PKIB: variants seen among roughly 807,000 people sequenced by gnomAD.
The protein encoded by PKIB is cAMP-dependent protein kinase inhibitor beta, also known as PKI-beta.
Under a neutral mutation model 4.5 loss-of-function variants are expected in PKIB, and 2 were observed. That is an observed-to-expected ratio of 0.44 (90% CI 0.18 to 1.39). The LOEUF is 1.39. Among genes scored for constraint, PKIB ranks in the 40% most tolerant of loss-of-function variants. The pLI, the probability that PKIB is intolerant of heterozygous loss-of-function variation, is 0.27. For missense variants in PKIB, 94 were observed against 92.6 expected (o/e 1.02, Z -0.06); for synonymous variants, 38 against 36.0 (o/e 1.06, Z -0.20).
intron 3 of PKIB, among the ~76,000 whole-genome samples, chr6:122,599,346 C>A (rs1318564998): frequency 1.3e-5 from 2 of 152,168 alleles, no homozygotes; most frequent in Non-Finnish European, 2.9e-5. Context: ...CCCACACATC[C>A]CCATTCCAAG....
At chr6:122,627,887 A>G (rs1273521087) in intron 1 of PKIB, among the ~76,000 whole-genome samples, 2 of 152,042 alleles carry the variant, frequency 1.3e-5, no homozygotes, top group Non-Finnish European at 2.9e-5. Context: ...TTTATAAAAT[A>G]TATAAAATAA....
intron 2 of PKIB, among the ~76,000 whole-genome samples, chr6:122,522,162 A>G (rs1340938868): frequency 2.0e-5 from 3 of 152,252 alleles, no homozygotes; most frequent in Admixed American, 6.5e-5. Context: ...AAAAAAACAT[A>G]AAGCGAGAAA....
At chr6:122,640,944 CAAT>C (rs1336916167) in intron 2 of PKIB, among the ~76,000 whole-genome samples, 1 of 151,964 alleles carries the variant, frequency 6.6e-6, no homozygotes, top group Non-Finnish European at 1.5e-5. Context: ...ATATGAATTT[CAAT>C]AATGAGACAT....
intron 2 of PKIB, among the ~76,000 whole-genome samples, chr6:122,522,100 A>G (rs1399282968): frequency 4.6e-5 from 7 of 152,170 alleles, no homozygotes; most frequent in Admixed American, 3.9e-4. Context: ...GTCTAACATC[A>G]TTTCCATATT....
At chr6:122,717,716 C>T (rs1306820072) in intron 3 of PKIB, 71 bp from the exon 4 acceptor site, 23 of 1,496,074 alleles carry the variant, frequency 1.5e-5, no homozygotes, top group Non-Finnish European at 1.9e-5. Flanking sequence ...CTAGCCATGC[C>T]TTTCAACCAC....
intron 2 of PKIB, among the ~76,000 whole-genome samples, chr6:122,633,972 A>ATCTATCTATCTATCTG (rs1415105451): frequency 1.3e-5 from 2 of 151,898 alleles, no homozygotes; most frequent in South Asian, 4.2e-4. Context: ...CTATCTATCT[A>ATCTATCTATCTATCTG]TCCATCTATC....
rs545363491 is a variant in PKIB, at chr6:122,674,056, T to G, written c.-75-1022T>G. ...GGGGTGACAGAAATAAAGCACAGGA[T>G]TCTACTGGTGGAGTGTGACTGCAGA... On this transcript the variant is annotated intron_variant, in intron 2 of 4. Coordinates refer to ENST00000368452, the MANE Select transcript of PKIB (RefSeq NM_181795.3). Among the ~76,000 whole-genome samples the G allele has an allele frequency of 2.0e-5, 3 of 152,192 alleles. No individual in the cohort carries two copies. The East Asian group carries it at 5.8e-4, about 29-fold the overall frequency.
intron 2 of PKIB, among the ~76,000 whole-genome samples, chr6:122,647,814 T>A (rs952099967): frequency 6.6e-6 from 1 of 152,232 alleles, no homozygotes; most frequent in African/African-American, 2.4e-5. Context: ...ATTCCCTTCT[T>A]CCATTACCCA....
intron 2 of PKIB, among the ~76,000 whole-genome samples, chr6:122,524,109 C>T (rs1777026085): frequency 6.6e-6 from 1 of 151,720 alleles, no homozygotes; most frequent in Admixed American, 6.6e-5. Context: ...TTTCTTCTCT[C>T]TTCTTCCTTC....
chr6:122,475,656 T>C (rs1264029741), intron 1 of PKIB, among the ~76,000 whole-genome samples: 1 of 151,688 alleles, frequency 6.6e-6, no homozygotes, highest in Non-Finnish European at 1.5e-5. Context: ...TGTGGTGGCA[T>C]GCGTCTGTAG....
At chr6:122,643,930 T>C (rs1170986018) in intron 2 of PKIB, 2 of 152,176 alleles carry the variant, frequency 1.3e-5, no homozygotes, top group South Asian at 2.1e-4. Context: ...GTAAAGTCTT[T>C]AGTATATGTC....
intron 2 of PKIB, among the ~76,000 whole-genome samples, chr6:122,505,527 A>G (rs1776371196): frequency 6.6e-6 from 1 of 152,216 alleles, no homozygotes; most frequent in Non-Finnish European, 1.5e-5. Context: ...ACATTAAAGT[A>G]AAATTTGTAA....
intron 2 of PKIB, among the ~76,000 whole-genome samples, chr6:122,504,692 A>G (rs1167160211): frequency 6.6e-6 from 1 of 152,206 alleles, no homozygotes; most frequent in Non-Finnish European, 1.5e-5. Context: ...CCTGTTATGT[A>G]ATATTTTTCA....
At chr6:122,482,618 T>C (rs1235000190) in intron 2 of PKIB, 1 of 145,026 alleles carries the variant, frequency 6.9e-6, no homozygotes, top group Non-Finnish European at 1.5e-5. Context: ...TGGTGCGATC[T>C]CAGCTCACTG....
At position 122,562,540 on chromosome 6, in the gene PKIB, C is replaced by G. The variant is rs1022689252; in HGVS notation, c.-247-23381C>G. Among the ~76,000 whole-genome samples, 8 of 152,178 alleles carry G rather than the reference C, an allele frequency of 5.3e-5. No individual in the cohort carries two copies. In the East Asian group the frequency reaches 1.5e-3, roughly 29 times the overall value. ...GGAGAAGTCTTCCTCAATTATTCCC[C>G]CAAATATGTTTTCCAAGCTTTTGGA... is the stretch of plus-strand genomic sequence containing the variant. On this transcript the variant is annotated intron_variant, in intron 2 of 6. Transcript: ENST00000392491.
At chr6:122,536,922 C>CA (rs34794225) in intron 2 of PKIB, among the ~76,000 whole-genome samples, 20,620 of 146,518 alleles carry the variant, frequency 0.14, 1,547 homozygotes, top group East Asian at 0.26. Context: ...TTTTAACCAA[C>CA]GAACCTCAAA....
intron 3 of PKIB, among the ~76,000 whole-genome samples, chr6:122,690,124 C>T (rs940390195): frequency 1.3e-5 from 2 of 151,034 alleles, no homozygotes; most frequent in African/African-American, 4.9e-5. Flanking sequence ...TCTTTATTTT[C>T]TGTCTGTGTG....
chr6:122,694,829 A>G (rs1404012500), intron 3 of PKIB, among the ~76,000 whole-genome samples: 1 of 152,212 alleles, frequency 6.6e-6, no homozygotes, highest in African/African-American at 2.4e-5. Flanking sequence ...CATAGCTGGG[A>G]GAAGGTCACA....
intron 2 of PKIB, among the ~76,000 whole-genome samples, chr6:122,486,219 T>A (rs1562225371): frequency 1.3e-5 from 2 of 152,206 alleles, no homozygotes; most frequent in Admixed American, 6.5e-5. Flanking sequence ...ATTGAAAAAG[T>A]CTTGAGTCCA....
Sources: allele counts gnomAD v4.1 joint callset (sites outside exome capture counted in the v4.1 genomes callset), GRCh38; gene constraint gnomAD v4.1.1; transcripts MANE v1.5; gene names NCBI Gene and HGNC (gene_info 2026-07-23, HGNC 2026-07-21).